Variants in CHRM3 observed in about 807,000 individuals in gnomAD.
CHRM3 encodes muscarinic acetylcholine receptor M3.
A neutral mutation model predicts 41.8 loss-of-function variants in CHRM3; 11 were observed. That is an observed-to-expected ratio of 0.26 (90% CI 0.17 to 0.44). The LOEUF (loss-of-function observed/expected upper bound fraction) is 0.44, where lower values mean the gene tolerates loss of function less well. CHRM3 is among the 20% of genes least tolerant of loss of function. CHRM3 has a pLI of 1.00. For missense variants in CHRM3, 571 were observed against 745.4 expected (o/e 0.77, Z 2.72); for synonymous variants, 297 against 301.4 (o/e 0.99, Z 0.15).
At chr1:239,389,844 T>G (rs1658865696) in intron 1 of CHRM3, among the ~76,000 whole-genome samples, 1 of 152,234 alleles carries the variant, frequency 6.6e-6, no homozygotes, top group Non-Finnish European at 1.5e-5. Flanking sequence ...GATTCCAGTG[T>G]GACTATTAAG....
chr1:239,404,719 AATATATATATATATAT>A (rs67746016), intron 1 of CHRM3, among the ~76,000 whole-genome samples: 27 of 97,354 alleles, frequency 2.8e-4, no homozygotes, highest in South Asian at 2.1e-3. Flanking sequence ...GCTATATCTA[AATATATATATATATAT>A]ATATATATAT....
chr1:239,532,942 A>C (rs181981124), intron 2 of CHRM3, among the ~76,000 whole-genome samples: 25 of 152,298 alleles, frequency 1.6e-4, no homozygotes, highest in South Asian at 8.3e-4. Flanking sequence ...TTTTTGCAAA[A>C]TGATCCCATA....
intron 4 of CHRM3, among the ~76,000 whole-genome samples, chr1:239,638,212 G>A (rs888718737): frequency 9.3e-5 from 14 of 150,372 alleles, no homozygotes; most frequent in African/African-American, 2.4e-4. Context: ...GAATAGTGCC[G>A]CAATAAACAT....
chr1:239,413,545 C>T (rs986292333), intron 1 of CHRM3, among the ~76,000 whole-genome samples: 2 of 152,176 alleles, frequency 1.3e-5, no homozygotes, highest in African/African-American at 2.4e-5. Context: ...CCCTCAGCCT[C>T]CTAAATTGCT....
In CHRM3 at chr1:239,908,608, C is replaced by T. The variant is rs780583857; in HGVS notation, c.1157C>T (p.Ser386Leu). The change falls in exon 7 of 7, where the codon TCG becomes TTG. Residue 386 changes from serine to leucine, a missense_variant. Physicochemically the swap from Ser to Leu is moderately radical, Grantham distance 145. Around this residue, in one of 5 missense-constraint regions of CHRM3, gnomAD observed 239 missense variants for 239.6 expected, o/e 1.00. Coordinates refer to ENST00000676153, the MANE Select transcript of CHRM3 (RefSeq NM_001375978.1). This position sits in a 1 kb window ranked among gnomAD's most constrained non-coding sequence, Gnocchi z 7.2. ...TILNSTKLPS[S>L]DNLQVPEEEL... ...CTCAACTCCACCAAGTTACCCTCAT[C>T]GGACAACCTGCAGGTGCCTGAGGAG... 9 of 1,605,438 alleles carry T rather than the reference C, an allele frequency of 5.6e-6. No homozygotes were observed. Among genetic ancestry groups the T allele is most frequent in the East Asian group, 2.2e-5 (1 of 44,612 alleles).
rs547028316 is a variant in CHRM3 at position 239,761,263 on chromosome 1, T to C, written c.-146-65989T>C. Among the ~76,000 whole-genome samples the C allele has an allele frequency of 7.2e-5, 11 of 152,310 alleles. No homozygotes were observed. The East Asian group carries it at 2.1e-3, about 29-fold the overall frequency. On this transcript the variant is annotated intron_variant, in intron 5 of 6. Coordinates refer to ENST00000676153, the MANE Select transcript of CHRM3 (RefSeq NM_001375978.1). ...TTTTTATGCCTTATATGATTTTCCT[T>C]ATCATGTTTGTGCTTTACCTTCTTC...
At chr1:239,797,353 A>C (rs1464980214) in intron 5 of CHRM3, among the ~76,000 whole-genome samples, 4 of 152,160 alleles carry the variant, frequency 2.6e-5, no homozygotes, top group Non-Finnish European at 5.9e-5. Context: ...CTCTAAAATA[A>C]AATGAAAATC....
At chr1:239,617,189 T>C (rs1307877145) in intron 3 of CHRM3, among the ~76,000 whole-genome samples, 5 of 152,206 alleles carry the variant, frequency 3.3e-5, no homozygotes, top group Admixed American at 6.5e-5. Context: ...TTCTGAGTAA[T>C]CCCATTATAA....
At chr1:239,662,618 C>A (rs980003313) in intron 4 of CHRM3, among the ~76,000 whole-genome samples, 3 of 152,116 alleles carry the variant, frequency 2.0e-5, no homozygotes, top group Non-Finnish European at 4.4e-5. Context: ...TGTCCCCCAG[C>A]CTTACTCAGG....
chr1:239,812,279 A>T (rs776678310), intron 5 of CHRM3, among the ~76,000 whole-genome samples: 18 of 152,130 alleles, frequency 1.2e-4, no homozygotes, highest in Non-Finnish European at 2.4e-4. Context: ...AGCTCAAGTG[A>T]TCCTCTGGCC....
intron 4 of CHRM3, among the ~76,000 whole-genome samples, chr1:239,650,084 G>A (rs996907669): frequency 6.6e-6 from 1 of 152,146 alleles, no homozygotes; most frequent in African/African-American, 2.4e-5. Flanking sequence ...CTCTCATCAG[G>A]TGAACTGGGA....
intron 6 of CHRM3, among the ~76,000 whole-genome samples, chr1:239,834,191 G>C (rs922381258): frequency 5.3e-5 from 5 of 94,810 alleles, no homozygotes; most frequent in African/African-American, 1.6e-4. Context: ...CACACACACT[G>C]GGGAGGACAA....
intron 6 of CHRM3, among the ~76,000 whole-genome samples, chr1:239,865,802 T>C (rs1200890101): frequency 6.6e-6 from 1 of 152,186 alleles, no homozygotes; most frequent in Non-Finnish European, 1.5e-5. Flanking sequence ...CTGTTACTTA[T>C]GGGAAGAATA....
intron 5 of CHRM3, among the ~76,000 whole-genome samples, chr1:239,800,529 C>T (rs1194918950): frequency 6.6e-6 from 1 of 152,190 alleles, no homozygotes; most frequent in Admixed American, 6.5e-5. Flanking sequence ...AGCATGTGAA[C>T]CTCCTGGGTG....
In CHRM3 at chr1:239,911,377, A is replaced by T. The variant is rs538299667; in HGVS notation, c.*2153A>T. On this transcript the variant is annotated 3_prime_UTR_variant, in exon 7 of 7. Transcript: ENST00000676153. Reference sequence around the variant, plus strand: ...ACAGCAAACTACAGAATGTCATATTATCCACCTGTGAAACATCTAGTAAGC... The same window carrying T: ...ACAGCAAACTACAGAATGTCATATTTTCCACCTGTGAAACATCTAGTAAGC... 1.2e-5 allele frequency: 2 copies of T among 167,174 alleles called. No individual in the cohort carries two copies. The highest frequency in any genetic ancestry group is 4.8e-5 in the African/African-American group (2 of 41,570). The allele number at this position is 167,174 out of a possible 1,614,324, so 10.4% of individuals were successfully genotyped here. A position where few individuals can be genotyped will look rare whatever the true frequency, so the allele number is the denominator to read the frequency against.
At chr1:239,505,428 T>C (rs1668506077) in intron 2 of CHRM3, among the ~76,000 whole-genome samples, 1 of 152,126 alleles carries the variant, frequency 6.6e-6, no homozygotes, top group Non-Finnish European at 1.5e-5. Context: ...GTTCTTGTGA[T>C]AGTGAGTAAG....
intron 3 of CHRM3, among the ~76,000 whole-genome samples, chr1:239,558,609 G>A (rs1400735023): frequency 6.6e-6 from 1 of 152,134 alleles, no homozygotes; most frequent in African/African-American, 2.4e-5. Flanking sequence ...TTAATTGAAT[G>A]CCAACAACTG....
intron 4 of CHRM3, among the ~76,000 whole-genome samples, chr1:239,638,481 T>A (rs568448715): frequency 2.4e-4 from 36 of 152,324 alleles, no homozygotes; most frequent in South Asian, 1.9e-3. Context: ...GTTATCTCAT[T>A]GTGGTTTTGA....
chr1:239,608,729 A>G (rs1420001706), intron 3 of CHRM3, among the ~76,000 whole-genome samples: 3 of 152,202 alleles, frequency 2.0e-5, no homozygotes, highest in Admixed American at 6.5e-5. Context: ...TTAACTCTGG[A>G]GAAAAAATGG....
Sources: allele counts gnomAD v4.1 joint callset (sites outside exome capture counted in the v4.1 genomes callset), GRCh38; gene constraint gnomAD v4.1.1; regional missense constraint gnomAD v4.1.1; non-coding constraint Gnocchi (gnomAD v3.1); transcripts MANE v1.5; gene names NCBI Gene and HGNC (gene_info 2026-07-23, HGNC 2026-07-21).